The following CELF2 variants were observed in gnomAD, a reference collection of about 807,000 sequenced individuals.
CELF2 encodes the protein CUG triplet repeat RNA-binding protein 2.
Under a neutral mutation model 62.6 loss-of-function variants are expected in CELF2, and 8 were observed. That is an observed-to-expected ratio of 0.13 (90% CI 0.07 to 0.23). The LOEUF is 0.23. Among genes scored for constraint, CELF2 ranks in the 10% least tolerant of loss-of-function variants. CELF2 has a pLI of 1.00. For synonymous variants in CELF2, 258 were observed against 250.0 expected (o/e 1.03, Z -0.30); for missense variants, 333 against 671.0 (o/e 0.50, Z 5.56).
At chr10:10,662,262 A>T in the CELF2 span, among the ~76,000 whole-genome samples, 2 of 152,204 alleles carry the variant, frequency 1.3e-5, no homozygotes, top group South Asian at 4.1e-4. Flanking sequence ...AAAGAAATGC[A>T]CTCAGACTTC....
intron 2 of CELF2, among the ~76,000 whole-genome samples, chr10:11,186,998 C>T (rs763738565): frequency 7.9e-5 from 12 of 152,290 alleles, no homozygotes; most frequent in Non-Finnish European, 1.3e-4. Context: ...AGTCCATGTG[C>T]ATCTCAAAAG....
intron 2 of CELF2, among the ~76,000 whole-genome samples, chr10:10,941,377 T>C (rs1055240092): frequency 6.6e-6 from 1 of 152,182 alleles, no homozygotes; most frequent in African/African-American, 2.4e-5. Flanking sequence ...ATTCAGTCCA[T>C]AAACCCTTGG....
In CELF2 at chr10:10,956,994, T is replaced by C. The variant is rs185147876; in HGVS notation, c.89+36995T>C. 5.0e-3 allele frequency among the ~76,000 whole-genome samples: 758 copies of C among 151,768 alleles called. 4 individuals carry two copies. The highest frequency in any genetic ancestry group is 8.5e-3 in the Non-Finnish European group (576 of 67,932). On this transcript the variant is annotated intron_variant, in intron 2 of 13. Transcript: ENST00000636488. ...AAAGTGGGTTGCCCTTGATTTCAGGTCCTCTTAGAATGAGCCTAACGCTGC... is the reference window on the plus strand; with the variant it reads ...AAAGTGGGTTGCCCTTGATTTCAGGCCCTCTTAGAATGAGCCTAACGCTGC...
chr10:11,094,222 G>A (rs764551990), intron 1 of CELF2, among the ~76,000 whole-genome samples: 1 of 152,178 alleles, frequency 6.6e-6, no homozygotes. Context: ...TTAACTTTAC[G>A]CTAAGTACAC....
intron 1 of CELF2, among the ~76,000 whole-genome samples, chr10:10,896,635 T>G (rs1016994572): frequency 2.0e-5 from 3 of 152,020 alleles, no homozygotes; most frequent in African/African-American, 7.2e-5. Context: ...ACTCTAGAGA[T>G]GCAGCTGCCG....
At chr10:10,753,053 C>G in the CELF2 span, among the ~76,000 whole-genome samples, 1 of 152,078 alleles carries the variant, frequency 6.6e-6, no homozygotes, top group African/African-American at 2.4e-5. Context: ...TTGCAACTAC[C>G]CTTTTTAATT....
chr10:11,148,277 C>G (rs893752219), intron 1 of CELF2, among the ~76,000 whole-genome samples: 1 of 152,228 alleles, frequency 6.6e-6, no homozygotes, highest in Non-Finnish European at 1.5e-5. Flanking sequence ...GAACCCTAAG[C>G]TGTGGGCATT....
chr10:10,866,379 G>GCAGA lies in CELF2; in HGVS notation c.54-53584_54-53581dup, dbSNP rs545221014. Among the ~76,000 whole-genome samples the GCAGA allele has an allele frequency of 5.9e-5, 7 of 119,416 alleles. No individual in the cohort carries two copies. In the South Asian group the frequency reaches 8.3e-4, roughly 14 times the overall value. The allele number at this position is 119,416 out of a possible 152,430, so 78.3% of individuals were successfully genotyped here. A position where few individuals can be genotyped will look rare whatever the true frequency, so the allele number is the denominator to read the frequency against. On this transcript the variant is annotated intron_variant, in intron 1 of 13. Transcript: ENST00000636488. ...GTAATCCCAGCACTTTGGGAGGCAG[G>GCAGA]CAGATGACTTGAGGCCAGGAGTTTG... is the stretch of plus-strand genomic sequence containing the variant.
intron 2 of CELF2, among the ~76,000 whole-genome samples, chr10:10,937,168 C>T (rs1391583704): frequency 7.2e-6 from 1 of 139,468 alleles, no homozygotes; most frequent in African/African-American, 2.7e-5. Flanking sequence ...GGTCTGTTGC[C>T]CAGGCTGGAG....
the CELF2 span, among the ~76,000 whole-genome samples, chr10:10,688,845 A>C: frequency 1.3e-5 from 2 of 151,962 alleles, no homozygotes; most frequent in African/African-American, 4.8e-5. Flanking sequence ...ACCAAAAAAA[A>C]ATTAATTAAT....
intron 3 of CELF2, among the ~76,000 whole-genome samples, chr10:11,226,221 T>G (rs923064889): frequency 2.6e-5 from 4 of 152,226 alleles, no homozygotes; most frequent in Non-Finnish European, 4.4e-5. Context: ...ATACCCTGTT[T>G]TACTGACAAG....
At chr10:11,276,058 A>G (rs2085965897) in intron 8 of CELF2, among the ~76,000 whole-genome samples, 1 of 152,202 alleles carries the variant, frequency 6.6e-6, no homozygotes, top group Non-Finnish European at 1.5e-5. Context: ...TGCAGAATGA[A>G]GCGTTTTTTC....
Position 11,224,406 on chromosome 10 carries a change from G to A in CELF2, c.354+6899G>A, listed in dbSNP as rs952549346. On this transcript the variant is annotated intron_variant, in intron 3 of 12. Coordinates refer to ENST00000633077, the MANE Select transcript of CELF2 (RefSeq NM_001326342.2). The surrounding 1 kb of genome is among the most constrained non-coding windows in gnomAD (Gnocchi z 4.5). ...CAATGGCAAAATGAAGCCATAGTTA[G>A]ATTTCAGAGATAATCATTTCTCTAC... Among the ~76,000 whole-genome samples the A allele has an allele frequency of 6.6e-6, 1 of 152,158 alleles. No individual in the cohort carries two copies. The highest frequency in any genetic ancestry group is 2.4e-5 in the African/African-American group (1 of 41,430).
At chr10:10,627,706 C>T in the CELF2 span, among the ~76,000 whole-genome samples, 2 of 152,156 alleles carry the variant, frequency 1.3e-5, no homozygotes, top group African/African-American at 2.4e-5. Context: ...TTGAACCCAG[C>T]AGCCCCTCCT....
chr10:10,590,964 T>C, the CELF2 span, among the ~76,000 whole-genome samples: 2 of 152,178 alleles, frequency 1.3e-5, no homozygotes, highest in South Asian at 4.1e-4. Context: ...AAGCACAAAA[T>C]AAATGCAAAT....
Position 11,325,817 on chromosome 10 carries a change from C to A in CELF2, c.1295-19C>A. 1.3e-6 allele frequency: 2 copies of A among 1,590,378 alleles called. No homozygotes were observed. The highest frequency in any genetic ancestry group is 1.7e-6 in the Non-Finnish European group (2 of 1,170,548). On this transcript the variant is annotated intron_variant, in intron 11 of 12. Transcript: ENST00000633077. ...AGACTCAAGGGATACCTTACTCTGA[C>A]TTTTTTTTTCCTCCTTAGGTCCAGA...
At chr10:11,095,648 G>A (rs1299763194) in intron 1 of CELF2, among the ~76,000 whole-genome samples, 1 of 152,202 alleles carries the variant, frequency 6.6e-6, no homozygotes, top group East Asian at 1.9e-4. Flanking sequence ...AAGGCCTGTT[G>A]CCTTTCAACT....
At chr10:11,003,437 G>A (rs942181061), upstream of CELF2, among the ~76,000 whole-genome samples, 4 of 152,168 alleles carry the variant, frequency 2.6e-5, no homozygotes, top group South Asian at 2.1e-4. This position sits in a 1 kb window ranked among gnomAD's most constrained non-coding sequence, Gnocchi z 4.4. Context: ...CTTTGTGTCC[G>A]AGCAGCGTAT....
intron 1 of CELF2, among the ~76,000 whole-genome samples, chr10:11,142,788 T>G (rs1294768043): frequency 6.6e-6 from 1 of 150,476 alleles, no homozygotes; most frequent in Non-Finnish European, 1.5e-5. Flanking sequence ...TCAGTAGTGG[T>G]GCGTGGAATG....
Sources: allele counts gnomAD v4.1 joint callset (sites outside exome capture counted in the v4.1 genomes callset), GRCh38; gene constraint gnomAD v4.1.1; non-coding constraint Gnocchi (gnomAD v3.1); transcripts MANE v1.5; gene names NCBI Gene and HGNC (gene_info 2026-07-23, HGNC 2026-07-21).